The following RASAL2 variants were observed in gnomAD, a reference collection of about 807,000 sequenced individuals.
RASAL2 encodes the protein RAS protein activator like 2.
In RASAL2, 58 loss-of-function variants were observed where a neutral mutation model predicts 128.9. The observed-to-expected ratio is 0.45, with a 90% confidence interval of 0.36 to 0.56. RASAL2 has a LOEUF of 0.56. Ranked by LOEUF, RASAL2 falls within the 20% of genes least tolerant of loss-of-function variation. RASAL2 has a pLI of 0.00. For synonymous variants in RASAL2, 561 were observed against 580.8 expected (o/e 0.97, Z 0.49); for missense variants, 1,360 against 1,601.6 (o/e 0.85, Z 2.57).
chr1:178,377,019 T>C (rs1328410720), intron 3 of RASAL2, among the ~76,000 whole-genome samples: 2 of 152,110 alleles, frequency 1.3e-5, no homozygotes, highest in African/African-American at 2.4e-5. Flanking sequence ...AGAAGGAAAA[T>C]ACTCAGCGTA....
At chr1:178,095,259 G>C (rs1208102545) in intron 1 of RASAL2, among the ~76,000 whole-genome samples, 1 of 152,150 alleles carries the variant, frequency 6.6e-6, no homozygotes, top group African/African-American at 2.4e-5. Flanking sequence ...TCTGAATCTC[G>C]TTGTAAAGTG....
chr1:178,234,650 G>T (rs1257528053), intron 1 of RASAL2, among the ~76,000 whole-genome samples: 1 of 151,904 alleles, frequency 6.6e-6, no homozygotes, highest in Non-Finnish European at 1.5e-5. Flanking sequence ...TTATGACTTG[G>T]GGCCTATGTT....
In RASAL2 at chr1:178,219,310, A is replaced by G. The variant is rs899946551; in HGVS notation, c.203-64254A>G. Among the ~76,000 whole-genome samples, 5 of 152,256 alleles carry G rather than the reference A, an allele frequency of 3.3e-5. No individual in the cohort carries two copies. In the South Asian group the frequency reaches 1.0e-3, roughly 32 times the overall value. On this transcript the variant is annotated intron_variant, in intron 1 of 17. Coordinates refer to ENST00000367649, the MANE Select transcript of RASAL2 (RefSeq NM_170692.4). ...TCAAGCTTTATTGTTTTGCTTTCTTATATTTCATGTGATGCCTGGAGAGTA... is the reference window on the plus strand; with the variant it reads ...TCAAGCTTTATTGTTTTGCTTTCTTGTATTTCATGTGATGCCTGGAGAGTA...
In RASAL2 at chr1:178,201,890, C is replaced by CAG. The variant is rs574368776; in HGVS notation, c.203-81672_203-81671dup. On this transcript the variant is annotated intron_variant, in intron 1 of 17. Transcript: ENST00000367649. ...CAATTTCCAGACTTGAGCTAGTTTA[C>CAG]AGACCCAGAACCCCTTGAATGAAGG... Among the ~76,000 whole-genome samples, 17 of 152,286 alleles carry CAG rather than the reference C, an allele frequency of 1.1e-4. No homozygotes were observed. In the East Asian group the frequency reaches 3.3e-3, roughly 29 times the overall value.
chr1:178,187,728 A>C (rs1662354780), intron 1 of RASAL2, among the ~76,000 whole-genome samples: 1 of 152,082 alleles, frequency 6.6e-6, no homozygotes, highest in Non-Finnish European at 1.5e-5. Flanking sequence ...TTGAGGCTTG[A>C]TTGAAAGCTT....
At chr1:178,385,385 C>G (rs887232810) in intron 3 of RASAL2, among the ~76,000 whole-genome samples, 6 of 150,672 alleles carry the variant, frequency 4.0e-5, no homozygotes, top group African/African-American at 1.5e-4. Context: ...TGTAGTGAGC[C>G]CAGATCATAC....
At chr1:178,369,568 T>C (rs867508725) in intron 3 of RASAL2, among the ~76,000 whole-genome samples, 2 of 152,134 alleles carry the variant, frequency 1.3e-5, no homozygotes, top group Admixed American at 6.5e-5. Context: ...GGCAAATTCA[T>C]AGGGCTGGAT....
At chr1:178,133,062 G>T (rs1660181767) in intron 1 of RASAL2, among the ~76,000 whole-genome samples, 2 of 152,188 alleles carry the variant, frequency 1.3e-5, no homozygotes, top group African/African-American at 2.4e-5. Flanking sequence ...ACTGTGCCCG[G>T]CCTACAATTC....
At chr1:178,127,954 C>CT (rs1442546972) in intron 1 of RASAL2, among the ~76,000 whole-genome samples, 6 of 152,014 alleles carry the variant, frequency 3.9e-5, no homozygotes, top group African/African-American at 1.4e-4. Flanking sequence ...TGCTCTGTAA[C>CT]TAAGTTACTA....
intron 3 of RASAL2, among the ~76,000 whole-genome samples, chr1:178,303,570 G>A (rs1182581272): frequency 2.0e-5 from 3 of 152,010 alleles, no homozygotes; most frequent in African/African-American, 4.8e-5. Context: ...CCCATGGACC[G>A]TGGGTTGGAC....
At chr1:178,119,830 C>T (rs1209712007) in intron 1 of RASAL2, among the ~76,000 whole-genome samples, 1 of 152,198 alleles carries the variant, frequency 6.6e-6, no homozygotes, top group African/African-American at 2.4e-5. Flanking sequence ...TCAGGATCCT[C>T]TGCTATTTCC....
chr1:178,156,942 ATTAT>A (rs1231385485), intron 1 of RASAL2, among the ~76,000 whole-genome samples: 1 of 152,164 alleles, frequency 6.6e-6, no homozygotes, highest in African/African-American at 2.4e-5. Flanking sequence ...TCAATAATGT[ATTAT>A]TTAATCTATA....
intron 1 of RASAL2, among the ~76,000 whole-genome samples, chr1:178,120,555 A>C (rs1052599895): frequency 2.6e-5 from 4 of 152,224 alleles, no homozygotes; most frequent in South Asian, 4.1e-4. Context: ...CCATTGATGT[A>C]CATCAACTCA....
intron 1 of RASAL2, among the ~76,000 whole-genome samples, chr1:178,152,292 CTA>C (rs1660939135): frequency 6.6e-6 from 1 of 152,170 alleles, no homozygotes; most frequent in Non-Finnish European, 1.5e-5. Flanking sequence ...GGCATGGGAA[CTA>C]TGTGTCCCTC....
intron 1 of RASAL2, among the ~76,000 whole-genome samples, chr1:178,112,562 A>G (rs1023248318): frequency 1.3e-5 from 2 of 151,972 alleles, no homozygotes; most frequent in African/African-American, 4.8e-5. Flanking sequence ...AAAAAAGGAA[A>G]AAAGAAATCA....
chr1:178,205,850 A>G (rs1663026550), intron 1 of RASAL2, among the ~76,000 whole-genome samples: 1 of 152,128 alleles, frequency 6.6e-6, no homozygotes, highest in South Asian at 2.1e-4. Flanking sequence ...TTCTTAGCCT[A>G]TAGGAACTTG....
intron 5 of RASAL2, among the ~76,000 whole-genome samples, chr1:178,423,939 G>GT (rs1172094042): frequency 6.6e-6 from 1 of 151,896 alleles, no homozygotes; most frequent in African/African-American, 2.4e-5. Context: ...TGTTTCTTGT[G>GT]TTTTAAAATC....
At chr1:178,418,962 C>T (rs73037512) in intron 4 of RASAL2, among the ~76,000 whole-genome samples, 3,289 of 152,262 alleles carry the variant, frequency 0.022, 110 homozygotes, top group African/African-American at 0.071. Flanking sequence ...ATCCCACCCC[C>T]TCAGTTGACC....
intron 1 of RASAL2, among the ~76,000 whole-genome samples, chr1:178,116,234 TGTC>T (rs1449523523): frequency 8.5e-5 from 13 of 152,220 alleles, no homozygotes; most frequent in African/African-American, 2.7e-4. Context: ...TTATCTAACT[TGTC>T]GTATTCTTAT....
Sources: allele counts gnomAD v4.1 joint callset (sites outside exome capture counted in the v4.1 genomes callset), GRCh38; gene constraint gnomAD v4.1.1; transcripts MANE v1.5; gene names NCBI Gene and HGNC (gene_info 2026-07-23, HGNC 2026-07-21).